Variants in ZNF536 observed in about 807,000 individuals in gnomAD.
ZNF536 encodes the protein zinc finger protein 536.
A neutral mutation model predicts 84.5 loss-of-function variants in ZNF536; 13 were observed. The ratio of observed to expected loss-of-function variants is 0.15; its 90% CI spans 0.10 to 0.24. The LOEUF (loss-of-function observed/expected upper bound fraction) is 0.24. ZNF536 is among the 10% of genes least tolerant of loss of function. The probability of loss-of-function intolerance (pLI) is 1.00; values close to 1 mark genes in which losing one functional copy is unlikely to be tolerated. For synonymous variants in ZNF536, 811 were observed against 742.5 expected, an observed-to-expected ratio of 1.09 and a Z score of -1.50; for missense variants, 1,536 against 1,747.5, an observed-to-expected ratio of 0.88 and a Z score of 2.16.
chr19:30,541,041 T>A (rs1018641874), intron 3 of ZNF536, among the ~76,000 whole-genome samples: 1 of 151,882 alleles, frequency 6.6e-6, no homozygotes, highest in African/African-American at 2.4e-5. Flanking sequence ...GGGGTGGGGG[T>A]GAGTGGGAGT....
intron 1 of ZNF536, among the ~76,000 whole-genome samples, chr19:30,419,075 T>G (rs1212773057): frequency 6.6e-6 from 1 of 152,240 alleles, no homozygotes; most frequent in African/African-American, 2.4e-5. Flanking sequence ...CATTTTGTTA[T>G]TTTTTCTTTC....
At chr19:30,560,936 G>C (rs565103929), downstream of ZNF536, among the ~76,000 whole-genome samples, 25 of 152,362 alleles carry the variant, frequency 1.6e-4, 1 homozygote, top group South Asian at 3.1e-3. Flanking sequence ...CAAGGTTAAA[G>C]TTGGGGAACT....
At chr19:30,259,522 A>T (rs1027469073) in intron 1 of ZNF536, among the ~76,000 whole-genome samples, 1 of 152,228 alleles carries the variant, frequency 6.6e-6, no homozygotes, top group African/African-American at 2.4e-5. Context: ...TGTTTTAACA[A>T]GTCCTCTAGG....
chr19:30,226,553 G>A (rs2022624532), upstream of ZNF536, among the ~76,000 whole-genome samples: 1 of 152,080 alleles, frequency 6.6e-6, no homozygotes, highest in Non-Finnish European at 1.5e-5. The surrounding 1 kb of genome is among the most constrained non-coding windows in gnomAD (Gnocchi z 4.6). Context: ...TCAGGGCTGA[G>A]GTGCCAGGGT....
At chr19:30,596,274 A>T (rs2146862164) in intron 1 of ZNF536, among the ~76,000 whole-genome samples, 1 of 151,780 alleles carries the variant, frequency 6.6e-6, no homozygotes, top group Admixed American at 6.6e-5. Flanking sequence ...GGGGAAAAAA[A>T]AAGAAAATGC....
intron 1 of ZNF536, among the ~76,000 whole-genome samples, chr19:30,242,122 C>T (rs2144882085): frequency 6.6e-6 from 1 of 152,090 alleles, no homozygotes; most frequent in Non-Finnish European, 1.5e-5. Flanking sequence ...TGCCTGATGC[C>T]CTCTCCTGCC....
At chr19:30,652,016 T>A (rs1011934007) in intron 1 of ZNF536, among the ~76,000 whole-genome samples, 1 of 152,258 alleles carries the variant, frequency 6.6e-6, no homozygotes, top group Non-Finnish European at 1.5e-5. Flanking sequence ...ATGAATCTTG[T>A]CTGCTGAAAT....
intron 1 of ZNF536, among the ~76,000 whole-genome samples, chr19:30,563,682 T>G (rs2046253583): frequency 6.6e-6 from 1 of 152,202 alleles, no homozygotes; most frequent in Non-Finnish European, 1.5e-5. Context: ...CAGTTTTCTT[T>G]CGTGACAGTG....
intron 1 of ZNF536, among the ~76,000 whole-genome samples, chr19:30,657,849 C>T (rs2067851837): frequency 6.6e-6 from 1 of 152,160 alleles, no homozygotes; most frequent in Non-Finnish European, 1.5e-5. Flanking sequence ...ATCCTTCTTC[C>T]CTTCCATCTG....
intron 1 of ZNF536, among the ~76,000 whole-genome samples, chr19:30,564,365 G>A (rs922580878): frequency 2.0e-5 from 3 of 152,092 alleles, no homozygotes; most frequent in Admixed American, 2.0e-4. Flanking sequence ...GAAGAGAAAT[G>A]GTGGAGGTTG....
chr19:30,332,033 G>A (rs2047228040), intron 2 of ZNF536, among the ~76,000 whole-genome samples: 1 of 152,136 alleles, frequency 6.6e-6, no homozygotes, highest in African/African-American at 2.4e-5. Flanking sequence ...TTGCACCCCA[G>A]CTCTCCAGGA....
intron 1 of ZNF536, among the ~76,000 whole-genome samples, chr19:30,425,185 C>T (rs1382569899): frequency 1.3e-5 from 2 of 151,798 alleles, no homozygotes; most frequent in Non-Finnish European, 2.9e-5. Flanking sequence ...CACAGTTCAC[C>T]TCTAAATAAC....
chr19:30,374,629 C>G (rs910776510), intron 1 of ZNF536, among the ~76,000 whole-genome samples: 3 of 152,016 alleles, frequency 2.0e-5, no homozygotes, highest in African/African-American at 7.2e-5. Flanking sequence ...TGCGCAAAGA[C>G]AAAGGGGGTA....
intron 2 of ZNF536, among the ~76,000 whole-genome samples, chr19:30,477,874 G>C (rs1247624296): frequency 6.6e-6 from 1 of 152,180 alleles, no homozygotes; most frequent in African/African-American, 2.4e-5. Flanking sequence ...AGTGACCTCG[G>C]TGAGGGAAGA....
At chr19:30,303,491 G>C (rs1600144102) in intron 2 of ZNF536, among the ~76,000 whole-genome samples, 1 of 149,256 alleles carries the variant, frequency 6.7e-6, no homozygotes, top group South Asian at 2.1e-4. Flanking sequence ...CAGGTTCCCT[G>C]TTTGCTTTTT....
intron 1 of ZNF536, among the ~76,000 whole-genome samples, chr19:30,261,645 G>A (rs1349390493): frequency 6.9e-6 from 1 of 145,636 alleles, no homozygotes; most frequent in East Asian, 2.0e-4. Context: ...GCTCCAGTGA[G>A]CTATGATCGC....
downstream of ZNF536, among the ~76,000 whole-genome samples, chr19:30,558,982 A>G (rs543776039): frequency 1.3e-5 from 2 of 152,342 alleles, no homozygotes; most frequent in East Asian, 3.9e-4. Flanking sequence ...CCGCAACAGG[A>G]CAATTGCATC....
chr19:30,371,826 A>ATG (rs1031641537), upstream of ZNF536, among the ~76,000 whole-genome samples: 4 of 151,360 alleles, frequency 2.6e-5, no homozygotes, highest in Non-Finnish European at 4.4e-5. Context: ...ATGCATATAT[A>ATG]TGTGTGTGTG....
chr19:30,256,314 C>T (rs189669758), intron 1 of ZNF536, among the ~76,000 whole-genome samples: 96 of 152,294 alleles, frequency 6.3e-4, no homozygotes, highest in African/African-American at 2.2e-3. Context: ...ATTTTTCCTG[C>T]GTGCAGTTTG....
Sources: gnomAD v4.1 joint callset for allele counts (sites outside exome capture counted in the v4.1 genomes callset) on GRCh38, gnomAD v4.1.1 for gene constraint, Gnocchi (gnomAD v3.1) non-coding constraint, MANE v1.5 for transcripts, NCBI Gene and HGNC (gene_info 2026-07-23, HGNC 2026-07-21) for gene names.